The following SYT6 variants were observed in gnomAD, a reference collection of about 807,000 sequenced individuals.
The protein encoded by SYT6 is synaptotagmin 6.
In SYT6, 24 loss-of-function variants were observed where a neutral mutation model predicts 38.4. The observed-to-expected ratio is 0.62, with a 90% CI of 0.45 to 0.88. The LOEUF is 0.88. Ranked by LOEUF, SYT6 falls within the 40% of genes least tolerant of loss-of-function variation. The pLI is 0.00. For synonymous variants in SYT6, 265 were observed against 241.9 expected (o/e 1.10, Z -0.89); for missense variants, 611 against 621.0 (o/e 0.98, Z 0.17).
intron 3 of SYT6, among the ~76,000 whole-genome samples, chr1:114,115,503 G>T (rs1219508790): frequency 6.6e-6 from 1 of 151,548 alleles, no homozygotes; most frequent in Non-Finnish European, 1.5e-5. Flanking sequence ...TGCAACCTCG[G>T]CTTCCTGGAT....
chr1:114,134,461 AAG>A (rs770535802), intron 3 of SYT6, among the ~76,000 whole-genome samples: 4 of 152,250 alleles, frequency 2.6e-5, no homozygotes, highest in Non-Finnish European at 5.9e-5. Context: ...GGGAAAATAC[AAG>A]AGAAAGTCAA....
intron 3 of SYT6, among the ~76,000 whole-genome samples, chr1:114,118,434 G>A (rs1677135529): frequency 6.6e-6 from 1 of 152,228 alleles, no homozygotes; most frequent in African/African-American, 2.4e-5. Context: ...GGCACTGGAC[G>A]GCCCTGGTGC....
At chr1:114,103,215 A>G (rs1676072897) in intron 4 of SYT6, among the ~76,000 whole-genome samples, 1 of 151,016 alleles carries the variant, frequency 6.6e-6, no homozygotes, top group Non-Finnish European at 1.5e-5. Flanking sequence ...GCCTCACATA[A>G]ATAAGAAAAC....
At chr1:114,095,388 G>A (rs969703992) in intron 6 of SYT6, among the ~76,000 whole-genome samples, 2 of 152,104 alleles carry the variant, frequency 1.3e-5, no homozygotes, top group African/African-American at 4.8e-5. Context: ...GTGATTCTGG[G>A]GCCAAGTCCT....
At chr1:114,095,766 T>C (rs1373879948) in intron 6 of SYT6, among the ~76,000 whole-genome samples, 1 of 151,996 alleles carries the variant, frequency 6.6e-6, no homozygotes, top group Non-Finnish European at 1.5e-5. Flanking sequence ...GTTCACGCCA[T>C]TCTCCTGCCT....
chr1:114,104,333 T>G (rs1375264513), intron 3 of SYT6, among the ~76,000 whole-genome samples: 2 of 152,240 alleles, frequency 1.3e-5, no homozygotes, highest in African/African-American at 4.8e-5. Context: ...TCTTTTCTCC[T>G]TAAATGTGGT....
At chr1:114,117,640 G>A (rs1677078958) in intron 3 of SYT6, among the ~76,000 whole-genome samples, 1 of 152,212 alleles carries the variant, frequency 6.6e-6, no homozygotes. Context: ...CTACCCAGCA[G>A]CGCCTTCAAT....
intron 4 of SYT6, among the ~76,000 whole-genome samples, chr1:114,102,197 C>A (rs1172192153): frequency 6.6e-6 from 1 of 152,186 alleles, no homozygotes; most frequent in African/African-American, 2.4e-5. Flanking sequence ...AGTGAATTTT[C>A]TTCCCTGTTA....
At position 114,093,795 on chromosome 1, in the gene SYT6, A is replaced by G; in HGVS notation, c.1524T>C (p.Pro508=). ...EVKKSFKEGN[P]RL ...ATCCACGTGAATGAAATCACAACCG[A>G]GGGTTTCCCTGGTGAAATATTTTAG... Residue 508 remains proline (P), a synonymous_variant, in exon 7 of 8, where the codon CCT becomes CCC. Transcript: ENST00000610222. 6.2e-7 allele frequency: 1 copy of G among 1,614,034 alleles called. No homozygotes were observed. The highest frequency in any genetic ancestry group is 8.5e-7 in the Non-Finnish European group (1 of 1,180,004).
intron 6 of SYT6, among the ~76,000 whole-genome samples, chr1:114,096,482 T>A (rs1441511027): frequency 6.6e-6 from 1 of 152,160 alleles, no homozygotes; most frequent in African/African-American, 2.4e-5. Flanking sequence ...AGGGAGGTGA[T>A]TCAATTAGCC....
At chr1:114,133,449 C>A (rs564536874) in intron 3 of SYT6, among the ~76,000 whole-genome samples, 4 of 152,292 alleles carry the variant, frequency 2.6e-5, no homozygotes, top group African/African-American at 9.6e-5. Context: ...AAATCTACAG[C>A]TTTATTTAGA....
intron 4 of SYT6, among the ~76,000 whole-genome samples, chr1:114,101,672 A>C (rs1027498212): frequency 6.6e-6 from 1 of 152,206 alleles, no homozygotes; most frequent in African/African-American, 2.4e-5. Context: ...AGCTTAGTCC[A>C]ACATCGAATA....
intron 3 of SYT6, among the ~76,000 whole-genome samples, chr1:114,135,236 T>C (rs1251265507): frequency 1.3e-5 from 2 of 152,100 alleles, no homozygotes; most frequent in Non-Finnish European, 2.9e-5. Context: ...TGTCGAGTTA[T>C]TTATAACTGT....
intron 6 of SYT6, among the ~76,000 whole-genome samples, chr1:114,094,311 T>G (rs1675498433): frequency 6.6e-6 from 1 of 152,222 alleles, no homozygotes; most frequent in Admixed American, 6.5e-5. Context: ...GAGATTATTG[T>G]TTCAGAATGC....
At chr1:114,136,880 C>T (rs1678511225) in intron 3 of SYT6, among the ~76,000 whole-genome samples, 1 of 151,702 alleles carries the variant, frequency 6.6e-6, no homozygotes, top group Admixed American at 6.6e-5. Flanking sequence ...TAGGAGTTAC[C>T]GCGTGTCTTG....
chr1:114,146,863 G>T (rs552378383), intron 1 of SYT6, among the ~76,000 whole-genome samples: 1 of 152,198 alleles, frequency 6.6e-6, no homozygotes, highest in South Asian at 2.1e-4. Flanking sequence ...ATAAATTGGG[G>T]GTAATAATAG....
intron 3 of SYT6, among the ~76,000 whole-genome samples, chr1:114,115,692 G>A (rs1676952920): frequency 1.3e-5 from 2 of 152,136 alleles, no homozygotes; most frequent in South Asian, 4.1e-4. Context: ...TGGGATTACA[G>A]GCATGAGCCA....
chr1:114,153,722 C>T lies in SYT6; in HGVS notation c.51G>A (p.Ala17=), dbSNP rs967943827. 4 of 682,762 alleles carry T rather than the reference C, an allele frequency of 5.9e-6. No individual in the cohort carries two copies. Among genetic ancestry groups the T allele is most frequent in the Non-Finnish European group, 5.3e-6 (2 of 375,052 alleles). 42.3% of individuals were successfully genotyped at this position (682,762 alleles called of 1,614,324 possible). Residue 17 remains alanine (A), a synonymous_variant, in exon 1 of 8, where the codon GCG becomes GCA. Transcript: ENST00000610222. ...AGGPRCQEAL[A]VLASLCRARP... ...GGGCCCGGCACAGCGAGGCGAGGAC[C>T]GCGAGCGCCTCCTGGCACCGAGGCC...
Position 114,095,911 on chromosome 1 carries a change from C to T in SYT6, c.1515+1816G>A, listed in dbSNP as rs539281624. Among the ~76,000 whole-genome samples, 14 of 152,194 alleles carry T rather than the reference C, an allele frequency of 9.2e-5. No individual in the cohort carries two copies. The South Asian group carries it at 1.5e-3, about 16-fold the overall frequency. On this transcript the variant is annotated intron_variant, in intron 6 of 7. Coordinates refer to ENST00000610222, the MANE Select transcript of SYT6 (RefSeq NM_001253772.2). ...TCCTGACCTCATGATCCATCCACCTCGGCCTCCCAAAGTGCTGGGATTACA... is the reference window on the plus strand; with the variant it reads ...TCCTGACCTCATGATCCATCCACCTTGGCCTCCCAAAGTGCTGGGATTACA...
Sources: gnomAD v4.1 joint callset for allele counts (sites outside exome capture counted in the v4.1 genomes callset) on GRCh38, gnomAD v4.1.1 for gene constraint, MANE v1.5 for transcripts, NCBI Gene and HGNC (gene_info 2026-07-23, HGNC 2026-07-21) for gene names.